MYO18B: variants seen among roughly 807,000 people sequenced by gnomAD.
MYO18B encodes the protein unconventional myosin-XVIIIb.
MYO18B carries 204 observed loss-of-function variants against 273.0 expected under a neutral mutation model. The observed-to-expected ratio is 0.75, with a 90% CI of 0.67 to 0.84. The LOEUF (loss-of-function observed/expected upper bound fraction) is 0.84, where lower values mean the gene tolerates loss of function less well. MYO18B is among the 40% of genes least tolerant of loss of function. The pLI, the probability that MYO18B is intolerant of heterozygous loss-of-function variation, is 0.00. For synonymous variants in MYO18B, 1,330 were observed against 1,305.7 expected, an observed-to-expected ratio of 1.02 and a Z score of -0.40; for missense variants, 3,212 against 3,287.6, an observed-to-expected ratio of 0.98 and a Z score of 0.56.
chr22:25,989,986 G>A (rs1040052309), intron 39 of MYO18B, among the ~76,000 whole-genome samples: 8 of 152,152 alleles, frequency 5.3e-5, no homozygotes, highest in Non-Finnish European at 1.0e-4. Flanking sequence ...AGGCTGAGAT[G>A]GGGATTTCAC....
downstream of MYO18B, among the ~76,000 whole-genome samples, chr22:26,035,930 C>T (rs1218159839): frequency 1.3e-5 from 2 of 152,172 alleles, no homozygotes; most frequent in East Asian, 1.9e-4. Flanking sequence ...GCCAAATGTA[C>T]GTTTCTCAAG....
At chr22:25,868,111 G>C (rs1488869006) in intron 21 of MYO18B, among the ~76,000 whole-genome samples, 1 of 152,162 alleles carries the variant, frequency 6.6e-6, no homozygotes, top group Non-Finnish European at 1.5e-5. Context: ...AAACAAATTG[G>C]TGTGTGTATG....
At chr22:25,847,778 T>A in intron 20 of MYO18B, 126 bp downstream of exon 20, 1 of 687,148 alleles carries the variant, frequency 1.5e-6, no homozygotes, top group Non-Finnish European at 2.5e-6. Context: ...TCCTGGTTAC[T>A]CTTCCCAGCA....
chr22:25,790,587 C>T (rs911964872), intron 11 of MYO18B, among the ~76,000 whole-genome samples: 2 of 152,210 alleles, frequency 1.3e-5, no homozygotes, highest in African/African-American at 4.8e-5. Context: ...AGGCCTAGCA[C>T]TCAGCCAGGC....
chr22:26,052,002 T>C, the MYO18B span, among the ~76,000 whole-genome samples: 2 of 152,246 alleles, frequency 1.3e-5, no homozygotes, highest in Non-Finnish European at 2.9e-5. Context: ...GTTTTTAGCC[T>C]TTTGCTTCTA....
rs112900389 is a variant in MYO18B, at chr22:25,785,430, C to T, written c.2315C>T (p.Thr772Met). 9.4e-4 allele frequency: 1,515 copies of T among 1,607,896 alleles called. 17 individuals are homozygous for T. The African/African-American group carries it at 0.015, about 16-fold the overall frequency. ...MLAGLDLDLR[T>M]ELNLHQMADS... The stretch of plus-strand genomic sequence containing the variant: ...CCTGGTTCCTTCTGTGCTTCCAGGA[C>T]GGAGCTGAACCTGCACCAGATGGCA... Residue 772 changes from threonine to methionine, a missense_variant and splice_region_variant, in exon 11 of 44, where the codon ACG becomes ATG. Thr to Met is a moderately conservative substitution (Grantham distance 81). Transcript: ENST00000335473.
chr22:25,781,651 A>T, intron 9 of MYO18B, 83 bp from the exon 10 acceptor site: 1 of 760,482 alleles, frequency 1.3e-6, no homozygotes, highest in Non-Finnish European at 1.9e-6. Flanking sequence ...GGGCACCCCA[A>T]TGGGGCTTCT....
Position 25,946,237 on chromosome 22 carries a change from G to A in MYO18B, c.5618G>A (p.Arg1873Gln), listed in dbSNP as rs765439956. The change falls in exon 35 of 44, where the codon CGG becomes CAG. Residue 1873 changes from arginine to glutamine, a missense_variant. Transcript: ENST00000335473. ...CACAGCGAGCTGGAGAACATGACGC[G>A]GAACAAGAGCCTGGTACCTGTCCCT... ...SMHSELENMT[R>Q]NKSLVDEQLY... The A allele has an allele frequency of 2.3e-5, 36 of 1,574,608 alleles. No homozygotes were observed. Among genetic ancestry groups the A allele is most frequent in the Admixed American group, 1.1e-4 (6 of 54,552 alleles).
At chr22:25,985,623 C>T (rs553572689) in intron 39 of MYO18B, among the ~76,000 whole-genome samples, 2 of 151,526 alleles carry the variant, frequency 1.3e-5, no homozygotes, top group Non-Finnish European at 2.9e-5. Flanking sequence ...ATTCACAGGG[C>T]GTTTTTTATT....
At chr22:25,903,480 G>T (rs779824655) in intron 30 of MYO18B, 151 bp from the exon 31 acceptor site, 4 of 731,594 alleles carry the variant, frequency 5.5e-6, no homozygotes, top group Non-Finnish European at 9.0e-6. Context: ...CACAGGGGGC[G>T]CTGTGAGGGA....
At chr22:25,992,077 C>T (rs2093276005) in intron 39 of MYO18B, among the ~76,000 whole-genome samples, 1 of 152,220 alleles carries the variant, frequency 6.6e-6, no homozygotes, top group African/African-American at 2.4e-5. Flanking sequence ...AGATTCAGAG[C>T]ATGGCCCTGG....
At chr22:25,775,830 T>C (rs966838364) in intron 7 of MYO18B, among the ~76,000 whole-genome samples, 3 of 151,922 alleles carry the variant, frequency 2.0e-5, no homozygotes, top group African/African-American at 7.3e-5. Flanking sequence ...TTAATTTCTT[T>C]CATCGATCAT....
intron 34 of MYO18B, among the ~76,000 whole-genome samples, chr22:25,932,671 A>T (rs2092523379): frequency 6.6e-6 from 1 of 152,078 alleles, no homozygotes; most frequent in South Asian, 2.1e-4. Flanking sequence ...CGGCCTCCCA[A>T]AGTGCTGGGA....
At chr22:25,803,408 T>G (rs73879547) in intron 12 of MYO18B, among the ~76,000 whole-genome samples, 1 of 152,156 alleles carries the variant, frequency 6.6e-6, no homozygotes. Flanking sequence ...GACCAGTTTT[T>G]TTTTTCTTTT....
At chr22:25,944,900 G>A (rs1009001026) in intron 34 of MYO18B, among the ~76,000 whole-genome samples, 1 of 151,228 alleles carries the variant, frequency 6.6e-6, no homozygotes, top group Non-Finnish European at 1.5e-5. Context: ...GCTGCCAACT[G>A]CAGAATGGAT....
intron 40 of MYO18B, among the ~76,000 whole-genome samples, chr22:25,999,678 TCTC>T (rs1255307427): frequency 7.1e-6 from 1 of 140,106 alleles, no homozygotes; most frequent in East Asian, 2.0e-4. Context: ...TCCATCTTCT[TCTC>T]CTCTCACTCT....
At chr22:25,742,924 G>C (rs1292154638) in intron 1 of MYO18B, among the ~76,000 whole-genome samples, 1 of 152,238 alleles carries the variant, frequency 6.6e-6, no homozygotes, top group Non-Finnish European at 1.5e-5. Flanking sequence ...TTCTCTGAAT[G>C]AAGAAGATTC....
At chr22:25,987,278 G>T (rs942932222) in intron 39 of MYO18B, among the ~76,000 whole-genome samples, 5 of 152,190 alleles carry the variant, frequency 3.3e-5, no homozygotes, top group African/African-American at 1.2e-4. Context: ...AAGAGGAGAT[G>T]ATTTTAATTG....
chr22:25,809,318 A>G (rs1230605693), intron 12 of MYO18B, among the ~76,000 whole-genome samples: 2 of 152,142 alleles, frequency 1.3e-5, no homozygotes, highest in Non-Finnish European at 2.9e-5. Context: ...GAATCAGACT[A>G]TTGGTCCACC....
Sources: gnomAD v4.1 joint callset for allele counts (sites outside exome capture counted in the v4.1 genomes callset) on GRCh38, gnomAD v4.1.1 for gene constraint, MANE v1.5 for transcripts, NCBI Gene and HGNC (gene_info 2026-07-23, HGNC 2026-07-21) for gene names.